Variants in C1QTNF3 observed in about 807,000 individuals in gnomAD.
C1QTNF3 encodes C1q and TNF related 3, also known as complement C1q tumor necrosis factor-related protein 3.
C1QTNF3 carries 26 observed loss-of-function variants against 32.6 expected under a neutral mutation model. The observed-to-expected ratio is 0.80, with a 90% CI of 0.58 to 1.11. C1QTNF3 has a LOEUF of 1.11. Among genes scored for constraint, C1QTNF3 ranks in the 50% least tolerant of loss-of-function variants. C1QTNF3 has a pLI of 0.00. For synonymous variants in C1QTNF3, 155 were observed against 146.0 expected, an observed-to-expected ratio of 1.06 and a Z score of -0.44; for missense variants, 362 against 398.2, an observed-to-expected ratio of 0.91 and a Z score of 0.77.
chr5:34,035,813 A>G (rs1754723924), intron 1 of C1QTNF3, 55 bp from the exon 2 acceptor site: 5 of 1,358,552 alleles, frequency 3.7e-6, no homozygotes, highest in Middle Eastern at 2.1e-4. Flanking sequence ...AGCAATTAGG[A>G]TTTTTAAATT....
the C1QTNF3 span, among the ~76,000 whole-genome samples, chr5:34,210,408 T>C: frequency 6.6e-6 from 1 of 151,980 alleles, no homozygotes; most frequent in Non-Finnish European, 1.5e-5. Flanking sequence ...TTTGTAATAA[T>C]TTTTTCTCAT....
In C1QTNF3 at chr5:34,035,757, G is replaced by C; in HGVS notation, c.305C>G (p.Ser102Cys). The change falls in exon 2 of 6, where the codon TCT becomes TGT. Residue 102 changes from serine (S) to cysteine (C), a missense_variant and splice_region_variant. Ser to Cys is a moderately radical substitution (Grantham distance 112, BLOSUM62 -1). Transcript: ENST00000382065. ...LAQITTFWGQSPQTGGLPPDC... is the reference protein window; with the variant it reads ...LAQITTFWGQCPQTGGLPPDC... ...TGGGGGTAGTCCTCCGGTTTGTGGAGACTAAAAAGACAGAAAGAGAAGCTT... is the reference window on the plus strand; with the variant it reads ...TGGGGGTAGTCCTCCGGTTTGTGGACACTAAAAAGACAGAAAGAGAAGCTT... 1 of 1,606,930 alleles carries C rather than the reference G, an allele frequency of 6.2e-7. No individual in the cohort carries two copies. Among genetic ancestry groups the C allele is most frequent in the African/African-American group, 1.3e-5 (1 of 74,672 alleles).
chr5:34,120,116 C>T, the C1QTNF3 span, among the ~76,000 whole-genome samples: 1 of 152,118 alleles, frequency 6.6e-6, no homozygotes, highest in Non-Finnish European at 1.5e-5. Context: ...TCACCTAATG[C>T]TTTTACAATA....
At chr5:34,026,883 G>A (rs1159554690) in intron 4 of C1QTNF3, among the ~76,000 whole-genome samples, 1 of 152,120 alleles carries the variant, frequency 6.6e-6, no homozygotes, top group East Asian at 1.9e-4. Context: ...TACTAATAAA[G>A]CAAATACCTC....
the C1QTNF3 span, among the ~76,000 whole-genome samples, chr5:34,228,137 T>C: frequency 4.6e-5 from 7 of 152,094 alleles, no homozygotes; most frequent in African/African-American, 1.4e-4. Context: ...GGTAGAAAGA[T>C]GGAATTCTGA....
the C1QTNF3 span, among the ~76,000 whole-genome samples, chr5:34,111,962 C>T: frequency 8.5e-5 from 13 of 152,128 alleles, no homozygotes; most frequent in African/African-American, 2.4e-4. Context: ...TACAGTCTCT[C>T]GGCAGAAGAG....
In C1QTNF3 at chr5:34,035,666, C is replaced by T. The variant is rs140166139; in HGVS notation, c.396G>A (p.Pro132=). 221 of 1,610,846 alleles carry T rather than the reference C, an allele frequency of 1.4e-4. 2 individuals are homozygous for T. The Middle Eastern group carries it at 9.5e-3, about 69-fold the overall frequency. ...CCTTACCTGGAATGCCAGGAGGGCC[C>T]GGTGGCCCAGGGGGGCCTTGGTAGC... ...FRGYQGPPGP[P]GPPGIPGNHG... Residue 132 remains proline (P), a synonymous_variant, in exon 2 of 6, where the codon CCG becomes CCA. Coordinates refer to ENST00000382065, the MANE Select transcript of C1QTNF3 (RefSeq NM_181435.6).
the C1QTNF3 span, among the ~76,000 whole-genome samples, chr5:34,183,405 A>C: frequency 6.7e-5 from 8 of 119,234 alleles, no homozygotes; most frequent in Admixed American, 9.4e-4. Flanking sequence ...ATCCTGACTC[A>C]CTGCAACCTC....
chr5:34,083,774 G>A, the C1QTNF3 span, among the ~76,000 whole-genome samples: 3 of 151,638 alleles, frequency 2.0e-5, no homozygotes, highest in African/African-American at 2.4e-5. Context: ...ATTTTATAAA[G>A]TATTGTGCAT....
the C1QTNF3 span, among the ~76,000 whole-genome samples, chr5:34,129,365 T>C: frequency 2.6e-4 from 40 of 152,322 alleles, no homozygotes; most frequent in African/African-American, 7.5e-4. Context: ...CTCACTTTTA[T>C]GTGGACTCTA....
rs1190029324 is a variant in C1QTNF3, at chr5:34,019,069, G to C, written c.*1514C>G. 6.6e-6 allele frequency among the ~76,000 whole-genome samples: 1 copy of C among 151,998 alleles called. No homozygotes were observed. The highest frequency in any genetic ancestry group is 2.4e-5 in the African/African-American group (1 of 41,370). On this transcript the variant is annotated 3_prime_UTR_variant, in exon 6 of 6. Transcript: ENST00000382065. ...CTTGAACCCAGGAGGCGGAGGCTGC[G>C]GTGAGCTGAGATCATGCCACTGCAC...
intron 2 of C1QTNF3, among the ~76,000 whole-genome samples, chr5:34,034,158 C>A (rs1290667305): frequency 6.6e-6 from 1 of 152,118 alleles, no homozygotes; most frequent in Non-Finnish European, 1.5e-5. Flanking sequence ...AAGAGCCAGA[C>A]TTTGTTTCAG....
chr5:34,176,620 T>C, the C1QTNF3 span, among the ~76,000 whole-genome samples: 2 of 152,186 alleles, frequency 1.3e-5, no homozygotes, highest in Non-Finnish European at 2.9e-5. Flanking sequence ...TGCTGGCTCA[T>C]GTCTGTCATC....
At chr5:34,228,761 A>G in the C1QTNF3 span, among the ~76,000 whole-genome samples, 2 of 152,122 alleles carry the variant, frequency 1.3e-5, no homozygotes, top group Admixed American at 1.3e-4. Flanking sequence ...TCATTTTCCT[A>G]GTTAACTTTA....
the C1QTNF3 span, among the ~76,000 whole-genome samples, chr5:34,119,013 CAT>C: frequency 1.3e-5 from 2 of 151,836 alleles, no homozygotes; most frequent in South Asian, 2.1e-4. Context: ...CTCACTGACT[CAT>C]ATGTGTCCAA....
At chr5:34,054,810 T>C in the C1QTNF3 span, among the ~76,000 whole-genome samples, 1 of 152,220 alleles carries the variant, frequency 6.6e-6, no homozygotes, top group African/African-American at 2.4e-5. Flanking sequence ...ATCTTCTACA[T>C]CTGTCCATGT....
chr5:34,033,890 A>G (rs371736481), intron 2 of C1QTNF3, among the ~76,000 whole-genome samples: 20 of 152,272 alleles, frequency 1.3e-4, no homozygotes, highest in African/African-American at 4.3e-4. Flanking sequence ...GGCCAGGTAC[A>G]GTGGCTCACA....
the C1QTNF3 span, among the ~76,000 whole-genome samples, chr5:34,072,721 G>A: frequency 6.6e-6 from 1 of 152,134 alleles, no homozygotes; most frequent in East Asian, 1.9e-4. Flanking sequence ...TACAAGTCCT[G>A]GTTGTTGCAA....
chr5:34,122,960 A>G, the C1QTNF3 span, among the ~76,000 whole-genome samples: 8 of 149,538 alleles, frequency 5.3e-5, no homozygotes, highest in African/African-American at 2.0e-4. Flanking sequence ...TGATTATAAC[A>G]GCCTCCTCAC....
Sources: gnomAD v4.1 joint callset for allele counts (sites outside exome capture counted in the v4.1 genomes callset) on GRCh38, gnomAD v4.1.1 for gene constraint, MANE v1.5 for transcripts, NCBI Gene and HGNC (gene_info 2026-07-23, HGNC 2026-07-21) for gene names.